TMEM178B: variants seen among roughly 807,000 people sequenced by gnomAD.
TMEM178B encodes the protein transmembrane protein 178B.
Under a neutral mutation model 31.0 loss-of-function variants are expected in TMEM178B, and 5 were observed. The ratio of observed to expected loss-of-function variants is 0.16; its 90% CI spans 0.08 to 0.34. The LOEUF (loss-of-function observed/expected upper bound fraction) is 0.34. Among genes scored for constraint, TMEM178B ranks in the 10% least tolerant of loss-of-function variants. The pLI is 1.00. For synonymous variants in TMEM178B, 164 were observed against 164.0 expected (o/e 1.00, Z 0.00); for missense variants, 275 against 400.3 (o/e 0.69, Z 2.67).
intron 3 of TMEM178B, among the ~76,000 whole-genome samples, chr7:141,445,318 A>G (rs1801733169): frequency 6.6e-6 from 1 of 152,180 alleles, no homozygotes; most frequent in African/African-American, 2.4e-5. Flanking sequence ...CTGAAAATAT[A>G]CAAGCCTAAA....
intron 2 of TMEM178B, among the ~76,000 whole-genome samples, chr7:141,375,718 G>A (rs1800201231): frequency 6.6e-6 from 1 of 152,180 alleles, no homozygotes. Flanking sequence ...GGTTATTGTG[G>A]TGTATTTAGA....
At chr7:141,266,915 G>A (rs896723786) in intron 2 of TMEM178B, among the ~76,000 whole-genome samples, 1 of 152,192 alleles carries the variant, frequency 6.6e-6, no homozygotes, top group Admixed American at 6.5e-5. Flanking sequence ...AGATGTGGCT[G>A]GCCCAGATTG....
At chr7:141,167,973 G>A (rs1796287831) in intron 1 of TMEM178B, among the ~76,000 whole-genome samples, 1 of 152,144 alleles carries the variant, frequency 6.6e-6, no homozygotes. Flanking sequence ...CACTCACTTA[G>A]CTCCAACATT....
chr7:141,262,053 A>G lies in TMEM178B; in HGVS notation c.496+49349A>G, dbSNP rs1460045635. On this transcript the variant is annotated intron_variant, in intron 2 of 3. Coordinates refer to ENST00000565468, the MANE Select transcript of TMEM178B (RefSeq NM_001195278.2). ...CAGTTTCCTCTCCTACTTTTAATAG[A>G]TAAAATAACTGTTCACAACAGGAGT... Among the ~76,000 whole-genome samples the G allele has an allele frequency of 2.0e-5, 3 of 152,300 alleles. No homozygotes were observed. In the East Asian group the frequency reaches 5.8e-4, roughly 29 times the overall value.
chr7:141,136,812 G>C (rs916379050), intron 1 of TMEM178B, among the ~76,000 whole-genome samples: 9 of 152,142 alleles, frequency 5.9e-5, no homozygotes, highest in Non-Finnish European at 4.4e-5. Context: ...GCTGCAATGA[G>C]CTGTAATTGC....
At chr7:141,125,011 G>A (rs1795467447) in intron 1 of TMEM178B, among the ~76,000 whole-genome samples, 1 of 152,088 alleles carries the variant, frequency 6.6e-6, no homozygotes, top group Admixed American at 6.5e-5. Context: ...TGGTTTGTTG[G>A]AAGTTAACTA....
chr7:141,302,051 A>G (rs1260684341), intron 2 of TMEM178B, among the ~76,000 whole-genome samples: 1 of 152,192 alleles, frequency 6.6e-6, no homozygotes, highest in Non-Finnish European at 1.5e-5. Context: ...TGGGGAGACA[A>G]AAACTTCTGG....
intron 2 of TMEM178B, among the ~76,000 whole-genome samples, chr7:141,376,746 C>T (rs1260946792): frequency 6.6e-6 from 1 of 152,138 alleles, no homozygotes; most frequent in Non-Finnish European, 1.5e-5. Flanking sequence ...GAAGCTGAGA[C>T]ATTCTGCAGG....
At chr7:141,158,164 C>T (rs574630332) in intron 1 of TMEM178B, among the ~76,000 whole-genome samples, 2 of 152,262 alleles carry the variant, frequency 1.3e-5, no homozygotes, top group Admixed American at 6.5e-5. Flanking sequence ...GGCGCAATCT[C>T]GGCTCACTGC....
At position 141,074,097 on chromosome 7, in the gene TMEM178B, A is replaced by C; in HGVS notation, c.-214A>C. The C allele has an allele frequency of 1.7e-6, 1 of 572,880 alleles. No homozygotes were observed. The highest frequency in any genetic ancestry group is 2.6e-6 in the Non-Finnish European group (1 of 378,070). 35.5% of individuals were successfully genotyped at this position (572,880 alleles called of 1,614,324 possible). A position where few individuals can be genotyped will look rare whatever the true frequency, so the allele number is the denominator to read the frequency against. On this transcript the variant is annotated 5_prime_UTR_variant, in exon 1 of 4. Transcript: ENST00000565468. The surrounding 1 kb of genome is among the most constrained non-coding windows in gnomAD (Gnocchi z 5.1). ...CAGAGGATGCCCAGGAGCCCGCGGGAGCCTCTCCGGATCAGAACTTTTTAG... is the reference window on the plus strand; with the variant it reads ...CAGAGGATGCCCAGGAGCCCGCGGGCGCCTCTCCGGATCAGAACTTTTTAG...
chr7:141,396,100 A>G (rs1800632390), intron 2 of TMEM178B, among the ~76,000 whole-genome samples: 1 of 152,074 alleles, frequency 6.6e-6, no homozygotes, highest in Non-Finnish European at 1.5e-5. Flanking sequence ...GGGGGTGCTC[A>G]CCAGCTCTCT....
chr7:141,241,603 A>C (rs1433038477), intron 2 of TMEM178B, among the ~76,000 whole-genome samples: 1 of 151,632 alleles, frequency 6.6e-6, no homozygotes, highest in Non-Finnish European at 1.5e-5. Flanking sequence ...AAAAAAAAAA[A>C]AAAAAAAAAA....
chr7:141,493,647 C>T, the TMEM178B span, among the ~76,000 whole-genome samples: 2 of 152,198 alleles, frequency 1.3e-5, no homozygotes, highest in African/African-American at 2.4e-5. Flanking sequence ...GCTCCATCAC[C>T]TTCCGCTGCC....
chr7:141,196,425 G>A (rs1796784019), intron 1 of TMEM178B, among the ~76,000 whole-genome samples: 1 of 152,152 alleles, frequency 6.6e-6, no homozygotes, highest in Admixed American at 6.5e-5. Flanking sequence ...GGAACAACTT[G>A]TATTCTAAAT....
chr7:141,127,071 TG>T (rs1795510454), intron 1 of TMEM178B, among the ~76,000 whole-genome samples: 1 of 152,084 alleles, frequency 6.6e-6, no homozygotes, highest in South Asian at 2.1e-4. Flanking sequence ...GCCTTGCAGG[TG>T]AGAGGTGGAC....
At chr7:141,154,575 A>C (rs929624546) in intron 1 of TMEM178B, among the ~76,000 whole-genome samples, 13 of 152,172 alleles carry the variant, frequency 8.5e-5, no homozygotes, top group African/African-American at 3.1e-4. Context: ...CTGTTCCTGC[A>C]CATGTGTTTT....
intron 2 of TMEM178B, among the ~76,000 whole-genome samples, chr7:141,313,410 T>C (rs1798947847): frequency 6.6e-6 from 1 of 152,206 alleles, no homozygotes; most frequent in African/African-American, 2.4e-5. Context: ...GCTCTCCCCA[T>C]GTTCATGATC....
At chr7:141,251,262 C>G (rs1797828966) in intron 2 of TMEM178B, among the ~76,000 whole-genome samples, 1 of 151,598 alleles carries the variant, frequency 6.6e-6, no homozygotes, top group Admixed American at 6.6e-5. Context: ...AAAAAAACAA[C>G]CAAACAAGCA....
chr7:141,437,679 G>A lies in TMEM178B; in HGVS notation c.568G>A (p.Val190Met), dbSNP rs572778443. ...AIILFGWIIG[V>M]LGCCWDRGLM... ...CATCCTCTTTGGCTGGATCATCGGC[G>A]TGCTGGGCTGCTGCTGGGACCGAGG... Residue 190 changes from valine (V) to methionine (M), a missense_variant, in exon 3 of 4, where the codon GTG (valine) becomes ATG (methionine). By Grantham distance (21) the Val-to-Met change is conservative. Transcript: ENST00000565468. 75 of 1,536,196 alleles carry A rather than the reference G, an allele frequency of 4.9e-5. No individual in the cohort carries two copies. The highest frequency in any genetic ancestry group is 3.4e-4 in the East Asian group (14 of 40,910).
Sources: gnomAD v4.1 joint callset for allele counts (sites outside exome capture counted in the v4.1 genomes callset) on GRCh38, gnomAD v4.1.1 for gene constraint, Gnocchi (gnomAD v3.1) non-coding constraint, MANE v1.5 for transcripts, NCBI Gene and HGNC (gene_info 2026-07-23, HGNC 2026-07-21) for gene names.